Variants in IL13RA1 observed in about 807,000 individuals in gnomAD.
IL13RA1 encodes the protein interleukin-13 receptor subunit alpha-1.
In IL13RA1, 14 loss-of-function variants were observed where a neutral mutation model predicts 33.8. That is an observed-to-expected ratio of 0.41 (90% CI 0.27 to 0.65). The LOEUF is 0.65. Ranked by LOEUF, IL13RA1 falls within the 30% of genes least tolerant of loss-of-function variation. The pLI is 0.28. For synonymous variants in IL13RA1, 116 were observed against 115.7 expected, an observed-to-expected ratio of 1.00 and a Z score of -0.02; for missense variants, 313 against 327.0, an observed-to-expected ratio of 0.96 and a Z score of 0.33.
intron 3 of IL13RA1, among the ~76,000 whole-genome samples, chrX:118,748,772 A>G (rs921748168): frequency 2.7e-5 from 3 of 112,063 alleles, no homozygotes; most frequent in Non-Finnish European, 5.6e-5. Context: ...TAAAGACATT[A>G]TACCTTAACT....
chrX:118,799,318 C>T (rs926514432), downstream of IL13RA1, among the ~76,000 whole-genome samples: 20 of 113,212 alleles, frequency 1.8e-4, no homozygotes, highest in Admixed American at 1.4e-3. Context: ...GTCCCATTGA[C>T]CACCCAAGGG....
chrX:118,803,482 C>T, the IL13RA1 span, among the ~76,000 whole-genome samples: 2 of 112,059 alleles, frequency 1.8e-5, no homozygotes, highest in East Asian at 2.8e-4. Flanking sequence ...AACTAAGGAC[C>T]CTTTTTGTTT....
chrX:118,800,775 T>G, the IL13RA1 span, among the ~76,000 whole-genome samples: 10 of 110,742 alleles, frequency 9.0e-5, no homozygotes, highest in Non-Finnish European at 1.1e-4. Context: ...CAGCTAAGTT[T>G]CATTCATTTT....
At chrX:118,781,871 A>G (rs959374423) in intron 10 of IL13RA1, among the ~76,000 whole-genome samples, 1 of 111,497 alleles carries the variant, frequency 9.0e-6, no homozygotes, top group African/African-American at 3.3e-5. Context: ...AGGTGATACA[A>G]CAGCATGTCC....
At position 118,793,923 on chromosome X, in the gene IL13RA1, T is replaced by C. The variant is rs2018004803; in HGVS notation, c.*2069T>C. 1 of 112,355 alleles carries C rather than the reference T, an allele frequency of 8.9e-6. No homozygotes were observed. Among genetic ancestry groups the C allele is most frequent in the Non-Finnish European group, 1.9e-5 (1 of 53,275 alleles). The allele number at this position is 112,355 out of a possible 1,213,427, so 9.3% of individuals were successfully genotyped here. A position where few individuals can be genotyped will look rare whatever the true frequency, so the allele number is the denominator to read the frequency against. On this transcript the variant is annotated 3_prime_UTR_variant, in exon 11 of 11. Transcript: ENST00000371666. Reference sequence around the variant, plus strand: ...CCGTAGTAGATGTTCTACTTTGTTCTGCTGTTCTCTAGAAAGAATATTTGG... The same window carrying C: ...CCGTAGTAGATGTTCTACTTTGTTCCGCTGTTCTCTAGAAAGAATATTTGG...
intron 10 of IL13RA1, among the ~76,000 whole-genome samples, chrX:118,786,383 T>C (rs1248357253): frequency 9.3e-6 from 1 of 107,721 alleles, no homozygotes; most frequent in Non-Finnish European, 1.9e-5. Flanking sequence ...AGTGTGAGAC[T>C]CCATCTCAAA....
chrX:118,799,539 C>T, the IL13RA1 span, among the ~76,000 whole-genome samples: 3 of 110,986 alleles, frequency 2.7e-5, no homozygotes, highest in African/African-American at 9.9e-5. Context: ...CTGTATCTAG[C>T]TGCTCTGGTG....
At position 118,773,905 on chromosome X, in the gene IL13RA1, A is replaced by G; in HGVS notation, c.1036A>G (p.Ile346Val). 1.9e-6 allele frequency: 2 copies of G among 1,063,568 alleles called. No homozygotes were observed. Among genetic ancestry groups the G allele is most frequent in the South Asian group, 3.7e-5 (2 of 53,750 alleles). 87.6% of individuals were successfully genotyped at this position (1,063,568 alleles called of 1,213,427 possible). A position where few individuals can be genotyped will look rare whatever the true frequency, so the allele number is the denominator to read the frequency against. The change falls in exon 9 of 11, where the codon ATA (isoleucine) becomes GTA (valine). Residue 346 changes from isoleucine to valine, a missense_variant. Physicochemically the swap from Ile to Val is conservative, Grantham distance 29. Transcript: ENST00000371666. ...TAAGAAGCGCAATTCCACACTCTAC[A>G]TAACCATGTTACTCATTGTTCCAGT... is the stretch of plus-strand genomic sequence containing the variant. ...IGKKRNSTLY[I>V]TMLLIVPVIV...
chrX:118,773,931 C>G lies in IL13RA1; in HGVS notation c.1062C>G (p.Val354=). 1 of 1,099,180 alleles carries G rather than the reference C, an allele frequency of 9.1e-7. No individual in the cohort carries two copies. The highest frequency in any genetic ancestry group is 1.8e-5 in the South Asian group (1 of 54,540). 90.6% of individuals were successfully genotyped at this position (1,099,180 alleles called of 1,213,427 possible). A position where few individuals can be genotyped will look rare whatever the true frequency, so the allele number is the denominator to read the frequency against. The change falls in exon 9 of 11, where the codon GTC becomes GTG. Residue 354 remains valine, a synonymous_variant. Transcript: ENST00000371666. ...LYITMLLIVP[V]IVAGAIIVLL... Reference sequence around the variant, plus strand: ...TAACCATGTTACTCATTGTTCCAGTCATCGTCGCAGGTGCAATCATAGTAC... The same window carrying G: ...TAACCATGTTACTCATTGTTCCAGTGATCGTCGCAGGTGCAATCATAGTAC...
In IL13RA1 at chrX:118,794,033, T is replaced by C. The variant is rs1415158335; in HGVS notation, c.*2179T>C. 1 of 112,441 alleles carries C rather than the reference T, an allele frequency of 8.9e-6. No homozygotes were observed. Among genetic ancestry groups the C allele is most frequent in the African/African-American group, 3.2e-5 (1 of 30,929 alleles). The allele number at this position is 112,441 out of a possible 1,213,427, so 9.3% of individuals were successfully genotyped here. ...AAACCCATGCCTCCCCCTAGCCATT[T>C]TTACTGTTATCCTATTTAGATGGCC... On this transcript the variant is annotated 3_prime_UTR_variant, in exon 11 of 11. Coordinates refer to ENST00000371666, the MANE Select transcript of IL13RA1 (RefSeq NM_001560.3).
chrX:118,761,154 A>T lies in IL13RA1; in HGVS notation c.693A>T (p.Pro231=). Reference sequence around the variant, plus strand: ...GTTTTTCAGTGAAACCTGATCCTCCACATATTAAAAACCTCTCCTTCCACA... The same window carrying T: ...GTTTTTCAGTGAAACCTGATCCTCCTCATATTAAAAACCTCTCCTTCCACA... The part of the protein sequence containing the change: ...PLTSRVKPDP[P]HIKNLSFHND... The change falls in exon 6 of 11, where the codon CCA becomes CCT. Residue 231 remains proline, a synonymous_variant. Transcript: ENST00000371666. 1 of 1,038,403 alleles carries T rather than the reference A, an allele frequency of 9.6e-7. No individual in the cohort carries two copies. Among genetic ancestry groups the T allele is most frequent in the Non-Finnish European group, 1.3e-6 (1 of 762,535 alleles). The allele number at this position is 1,038,403 out of a possible 1,213,427, so 85.6% of individuals were successfully genotyped here. A position where few individuals can be genotyped will look rare whatever the true frequency, so the allele number is the denominator to read the frequency against.
intron 1 of IL13RA1, among the ~76,000 whole-genome samples, chrX:118,733,904 T>C (rs973820139): frequency 8.9e-6 from 1 of 112,084 alleles, no homozygotes; most frequent in African/African-American, 3.2e-5. Context: ...TTGGCACTGT[T>C]GTCAAAATCA....
At position 118,784,148 on chromosome X, in the gene IL13RA1, C is replaced by A. The variant is rs12835558; in HGVS notation, c.1192-7614C>A. ...ATATATGTATATATATATATATATA[C>A]GTATATACACATATATACGTATATA... On this transcript the variant is annotated intron_variant, in intron 10 of 10. Transcript: ENST00000371666. Among the ~76,000 whole-genome samples, 65 of 48,927 alleles carry A rather than the reference C, an allele frequency of 1.3e-3. 3 individuals carry two copies. The highest frequency in any genetic ancestry group is 0.012 in the South Asian group (10 of 864). 42.5% of individuals were successfully genotyped at this position (48,927 alleles called of 115,157 possible). A position where few individuals can be genotyped will look rare whatever the true frequency, so the allele number is the denominator to read the frequency against.
chrX:118,746,542 G>A (rs5957052), intron 2 of IL13RA1, among the ~76,000 whole-genome samples: 1,367 of 111,606 alleles, frequency 0.012, 28 homozygotes, highest in African/African-American at 0.041. Flanking sequence ...TGATATGTTA[G>A]CATTGTAGGT....
At chrX:118,737,608 A>C (rs1179407784) in intron 1 of IL13RA1, among the ~76,000 whole-genome samples, 1 of 112,328 alleles carries the variant, frequency 8.9e-6, no homozygotes, top group African/African-American at 3.2e-5. Context: ...ACCAGTTAGA[A>C]GATCTGACCA....
chrX:118,765,692 G>A (rs771040666), intron 6 of IL13RA1, among the ~76,000 whole-genome samples: 10 of 112,142 alleles, frequency 8.9e-5, no homozygotes, highest in Non-Finnish European at 1.5e-4. Context: ...TGGGTCATAA[G>A]GTTACATATG....
Position 118,786,729 on chromosome X carries a change from T to C in IL13RA1, c.1192-5033T>C, listed in dbSNP as rs775123584. Among the ~76,000 whole-genome samples the C allele has an allele frequency of 6.2e-5, 7 of 112,109 alleles. No individual in the cohort carries two copies. In the East Asian group the frequency reaches 1.4e-3, roughly 22 times the overall value. On this transcript the variant is annotated intron_variant, in intron 10 of 10. Transcript: ENST00000371666. ...CTTTCTTTTTTGTCGCTCTTGTCCCTGTCCTGACTAATTTGTAATCCAGTT... is the reference window on the plus strand; with the variant it reads ...CTTTCTTTTTTGTCGCTCTTGTCCCCGTCCTGACTAATTTGTAATCCAGTT...
intron 1 of IL13RA1, among the ~76,000 whole-genome samples, chrX:118,730,128 C>T (rs918574134): frequency 3.6e-5 from 4 of 111,667 alleles, no homozygotes; most frequent in Middle Eastern, 8.4e-3. Flanking sequence ...GGCAAAACCC[C>T]GTCTACTAAA....
Position 118,794,252 on chromosome X carries a change from G to A in IL13RA1, c.*2398G>A, listed in dbSNP as rs1245210602. 1 of 112,300 alleles carries A rather than the reference G, an allele frequency of 8.9e-6. No homozygotes were observed. Among genetic ancestry groups the A allele is most frequent in the East Asian group, 2.8e-4 (1 of 3,574 alleles). The allele number at this position is 112,300 out of a possible 1,213,427, so 9.3% of individuals were successfully genotyped here. A position where few individuals can be genotyped will look rare whatever the true frequency, so the allele number is the denominator to read the frequency against. On this transcript the variant is annotated 3_prime_UTR_variant, in exon 11 of 11. Transcript: ENST00000371666. ...CTAGGTCTTGGGAGCTCTTGGAGGT[G>A]TCTGTATCAGTGGATTTCCCATCCC...
Sources: gnomAD v4.1 joint callset for allele counts (sites outside exome capture counted in the v4.1 genomes callset) on GRCh38, gnomAD v4.1.1 for gene constraint, MANE v1.5 for transcripts, NCBI Gene and HGNC (gene_info 2026-07-23, HGNC 2026-07-21) for gene names.